Variants in NOTCH2 observed in about 807,000 individuals in gnomAD.
The protein encoded by NOTCH2 is notch receptor 2.
Under a neutral mutation model 235.8 loss-of-function variants are expected in NOTCH2, and 29 were observed. That is an observed-to-expected ratio of 0.12 (90% CI 0.09 to 0.17). The LOEUF (loss-of-function observed/expected upper bound fraction) is 0.17. Ranked by LOEUF, NOTCH2 falls within the 10% of genes least tolerant of loss-of-function variation. NOTCH2 has a pLI of 1.00. For missense variants in NOTCH2, 2,285 were observed against 3,150.2 expected (o/e 0.73, Z 6.57); for synonymous variants, 1,086 against 1,141.5 (o/e 0.95, Z 0.98).
At position 120,069,536 on chromosome 1, in the gene NOTCH2, T is replaced by C; in HGVS notation, c.-130A>G. ...GCTTCAAAGGCTCAGGCCCTGGCGC[T>C]ACGCTCCGAAGCCCAGGCGCAAATG... is the stretch of plus-strand genomic sequence containing the variant. On this transcript the variant is annotated 5_prime_UTR_variant, in exon 1 of 34. Transcript: ENST00000256646. The C allele has an allele frequency of 7.0e-7, 1 of 1,418,984 alleles. No homozygotes were observed. Among genetic ancestry groups the C allele is most frequent in the Admixed American group, 3.1e-5 (1 of 32,042 alleles). 87.9% of individuals were successfully genotyped at this position (1,418,984 alleles called of 1,614,324 possible).
rs1651291538 is a variant in NOTCH2, at chr1:119,969,828, C to G, written c.875-84G>C. ...ACCAGCCCCCCACACTCTTCATCTT[C>G]ATGTGACCTGTCTGAAATTAAGGCA... On this transcript the variant is annotated intron_variant, in intron 5 of 33. Coordinates refer to ENST00000256646, the MANE Select transcript of NOTCH2 (RefSeq NM_024408.4). The G allele has an allele frequency of 5.8e-6, 7 of 1,206,498 alleles. No homozygotes were observed. In the Admixed American group the frequency reaches 9.4e-5, roughly 16 times the overall value. The allele number at this position is 1,206,498 out of a possible 1,614,324, so 74.7% of individuals were successfully genotyped here.
intron 5 of NOTCH2, among the ~76,000 whole-genome samples, chr1:119,985,415 G>T (rs1553202122): frequency 6.6e-6 from 1 of 152,088 alleles, no homozygotes; most frequent in East Asian, 1.9e-4. Flanking sequence ...AAATGTCCTG[G>T]GATAAGAAAT....
At chr1:119,980,753 T>C (rs183174668) in intron 5 of NOTCH2, among the ~76,000 whole-genome samples, 4 of 152,302 alleles carry the variant, frequency 2.6e-5, no homozygotes, top group African/African-American at 7.2e-5. Flanking sequence ...CAGAGGCTGA[T>C]AGTCTCTTAG....
At chr1:120,065,508 AT>A (rs1339587458) in intron 1 of NOTCH2, among the ~76,000 whole-genome samples, 1 of 152,246 alleles carries the variant, frequency 6.6e-6, no homozygotes, top group African/African-American at 2.4e-5. Flanking sequence ...AGGACAGTGA[AT>A]GAGGCACTGG....
chr1:119,935,767 T>C (rs1231424669), intron 21 of NOTCH2, among the ~76,000 whole-genome samples, 163 bp from the exon 22 acceptor site: 2 of 152,236 alleles, frequency 1.3e-5, no homozygotes, highest in African/African-American at 4.8e-5. Context: ...AATCATTCTA[T>C]GCAGGGACAG....
intron 11 of NOTCH2, among the ~76,000 whole-genome samples, chr1:119,960,919 G>A (rs1650911472): frequency 6.6e-6 from 1 of 152,054 alleles, no homozygotes; most frequent in South Asian, 2.1e-4. Context: ...TCCCACCTCG[G>A]CCTCCCAAAA....
intron 26 of NOTCH2, among the ~76,000 whole-genome samples, chr1:119,923,062 G>T (rs1017445355): frequency 6.6e-6 from 1 of 152,210 alleles, no homozygotes; most frequent in African/African-American, 2.4e-5. Flanking sequence ...GAGAAGCTGT[G>T]CTTTCCTCCC....
In NOTCH2 at chr1:119,915,087, A is replaced by C; in HGVS notation, c.*219T>G. On this transcript the variant is annotated 3_prime_UTR_variant, in exon 34 of 34. Transcript: ENST00000256646. ...TTGTATTCATCTTGCATTTCCACAAACTTGTCTTATTAGATTAGAATAATC... is the reference window on the plus strand; with the variant it reads ...TTGTATTCATCTTGCATTTCCACAACCTTGTCTTATTAGATTAGAATAATC... 1.7e-6 allele frequency: 1 copy of C among 588,468 alleles called. No homozygotes were observed. The highest frequency in any genetic ancestry group is 3.0e-6 in the Non-Finnish European group (1 of 330,206). 36.5% of individuals were successfully genotyped at this position (588,468 alleles called of 1,614,324 possible). A position where few individuals can be genotyped will look rare whatever the true frequency, so the allele number is the denominator to read the frequency against.
At position 119,969,760 on chromosome 1, in the gene NOTCH2, T is replaced by C. The variant is rs1651288697; in HGVS notation, c.875-16A>G. ...CAGAACTGTCCTTTTAGGGGGAAAT[T>C]ACTTTTGATTAGGGCTCTTGAGTCT... On this transcript the variant is annotated splice_polypyrimidine_tract_variant and intron_variant, in intron 5 of 33. Transcript: ENST00000256646. 7 of 1,608,904 alleles carry C rather than the reference T, an allele frequency of 4.4e-6. No individual in the cohort carries two copies. Among genetic ancestry groups the C allele is most frequent in the African/African-American group, 4.0e-5 (3 of 74,826 alleles).
At chr1:119,926,717 T>C (rs1649488321) in intron 23 of NOTCH2, 106 bp from the exon 24 acceptor site, 1 of 855,226 alleles carries the variant, frequency 1.2e-6, no homozygotes, top group African/African-American at 1.7e-5. Flanking sequence ...GAAGCAAGTG[T>C]GAGAGAGTTC....
chr1:119,917,993 G>A (rs1214272950), intron 32 of NOTCH2, among the ~76,000 whole-genome samples: 1 of 152,042 alleles, frequency 6.6e-6, no homozygotes, highest in South Asian at 2.1e-4. Context: ...ACTTGTATGA[G>A]GCATTCATGT....
chr1:119,986,220 C>T (rs1652012035), intron 5 of NOTCH2, among the ~76,000 whole-genome samples: 1 of 152,216 alleles, frequency 6.6e-6, no homozygotes, highest in South Asian at 2.1e-4. Context: ...CTCAAAAAGG[C>T]CCAGCTCTTA....
intron 5 of NOTCH2, among the ~76,000 whole-genome samples, chr1:119,984,880 A>G (rs2453043): frequency 0.97 from 147,678 of 152,252 alleles, 71,774 homozygotes; most frequent in East Asian, 1. Flanking sequence ...AGCCTGGAGC[A>G]AGATCAGGGA....
chr1:120,023,410 C>G (rs1226819050), intron 2 of NOTCH2, among the ~76,000 whole-genome samples: 1 of 149,302 alleles, frequency 6.7e-6, no homozygotes, highest in Non-Finnish European at 1.5e-5. Context: ...GCACTCCAGC[C>G]TGGGCCACAG....
intron 23 of NOTCH2, 139 bp downstream of exon 23, chr1:119,928,837 G>C (rs1649558579): frequency 1.4e-6 from 1 of 723,884 alleles, no homozygotes; most frequent in Admixed American, 2.1e-5. Flanking sequence ...GAAAAAACTG[G>C]CTTTAAAAAA....
intron 10 of NOTCH2, 124 bp downstream of exon 10, chr1:119,965,329 C>A: frequency 1.2e-6 from 1 of 841,956 alleles, no homozygotes; most frequent in East Asian, 2.4e-5. Flanking sequence ...ACAGCTCTTC[C>A]TAAACACAGA....
In NOTCH2 at chr1:119,968,093, C is replaced by T. The variant is rs374135765; in HGVS notation, c.1248G>A (p.Val416=). The change falls in exon 7 of 34, where the codon GTG becomes GTA. Residue 416 remains valine, a synonymous_variant. Coordinates refer to ENST00000256646, the MANE Select transcript of NOTCH2 (RefSeq NM_024408.4). The stretch of plus-strand genomic sequence containing the variant: ...CTTACTCACCCATGGCACATTCATC[C>T]ACATCTTCTGTGCAGTCAGCCCCTT... ...GYKGADCTED[V]DECAMANSNP... 19 of 1,613,970 alleles carry T rather than the reference C, an allele frequency of 1.2e-5. No homozygotes were observed. Among genetic ancestry groups the T allele is most frequent in the Admixed American group, 1.0e-4 (6 of 60,004 alleles).
At chr1:119,924,240 C>T (rs750400884) in intron 25 of NOTCH2, among the ~76,000 whole-genome samples, 17 of 152,112 alleles carry the variant, frequency 1.1e-4, no homozygotes, top group African/African-American at 3.1e-4. Context: ...AGGCAGTTTA[C>T]AAGCCTGTTA....
In NOTCH2 at chr1:119,915,648, C is replaced by A. The variant is rs756702495; in HGVS notation, c.7074G>T (p.Met2358Ile). Reference sequence around the variant, plus strand: ...GAGCTACCTGCCCGTCCTGCTGGGGCATCATGGCAGTGGGGAAAGCCACAC... The same window carrying A: ...GAGCTACCTGCCCGTCCTGCTGGGGAATCATGGCAGTGGGGAAAGCCACAC... The part of the protein sequence containing the change: ...LPSVAFPTAM[M>I]PQQDGQVAQT... Residue 2358 changes from methionine to isoleucine, a missense_variant, in exon 34 of 34, where the codon ATG becomes ATT. By Grantham distance (10) the Met-to-Ile change is conservative. Transcript: ENST00000256646. 8 of 1,613,996 alleles carry A rather than the reference C, an allele frequency of 5.0e-6. No homozygotes were observed. In the Admixed American group the frequency reaches 1.3e-4, roughly 27 times the overall value.
Sources: allele counts gnomAD v4.1 joint callset (sites outside exome capture counted in the v4.1 genomes callset), GRCh38; gene constraint gnomAD v4.1.1; transcripts MANE v1.5; gene names NCBI Gene and HGNC (gene_info 2026-07-23, HGNC 2026-07-21).